The following INPP4B variants were observed in gnomAD, a reference collection of about 807,000 sequenced individuals.
INPP4B encodes the protein inositol polyphosphate 4-phosphatase type II.
INPP4B carries 55 observed loss-of-function variants against 122.5 expected under a neutral mutation model. That is an observed-to-expected ratio of 0.45 (90% CI 0.36 to 0.56). The LOEUF (loss-of-function observed/expected upper bound fraction) is 0.56. Among genes scored for constraint, INPP4B ranks in the 20% least tolerant of loss-of-function variants. The pLI is 0.00. For synonymous variants in INPP4B, 403 were observed against 388.7 expected, an observed-to-expected ratio of 1.04 and a Z score of -0.43; for missense variants, 1,000 against 1,097.7, an observed-to-expected ratio of 0.91 and a Z score of 1.26.
At chr4:142,404,093 TTAAGA>T (rs1335532024) in intron 6 of INPP4B, among the ~76,000 whole-genome samples, 1 of 152,194 alleles carries the variant, frequency 6.6e-6, no homozygotes, top group African/African-American at 2.4e-5. Flanking sequence ...ACAATTTTGG[TTAAGA>T]TGTTTTCATA....
chr4:142,123,812 A>G (rs547740971), intron 19 of INPP4B, among the ~76,000 whole-genome samples: 1 of 152,198 alleles, frequency 6.6e-6, no homozygotes, highest in Non-Finnish European at 1.5e-5. Context: ...ACATGTATGT[A>G]TAAGGCAGAG....
chr4:142,571,121 G>T (rs1200303663), intron 2 of INPP4B, among the ~76,000 whole-genome samples: 2 of 150,168 alleles, frequency 1.3e-5, no homozygotes, highest in Admixed American at 6.6e-5. Context: ...AGCATGGAGT[G>T]GGGCAGAAGG....
intron 2 of INPP4B, among the ~76,000 whole-genome samples, chr4:142,628,627 T>G (rs988825052): frequency 1.3e-5 from 2 of 150,958 alleles, no homozygotes; most frequent in South Asian, 4.2e-4. Context: ...TTCCCTGCCA[T>G]GATTATTCCC....
At chr4:142,030,140 G>C in intron 25 of INPP4B, 1 of 1,534,416 alleles carries the variant, frequency 6.5e-7, no homozygotes, top group Non-Finnish European at 8.7e-7. Flanking sequence ...ATTGGTATTT[G>C]GCTAAGAGTA....
chr4:142,222,071 T>G (rs915653730), intron 12 of INPP4B, among the ~76,000 whole-genome samples: 5 of 152,366 alleles, frequency 3.3e-5, no homozygotes, highest in South Asian at 2.1e-4. Flanking sequence ...GCCATTCTCC[T>G]GGCTCAGCCT....
At chr4:142,234,942 G>C (rs1856055789) in intron 12 of INPP4B, among the ~76,000 whole-genome samples, 1 of 152,146 alleles carries the variant, frequency 6.6e-6, no homozygotes, top group South Asian at 2.1e-4. Flanking sequence ...AGGGTAGGTG[G>C]ATAATACTTT....
chr4:142,642,880 T>C (rs537704834), intron 2 of INPP4B, among the ~76,000 whole-genome samples: 23 of 152,160 alleles, frequency 1.5e-4, no homozygotes, highest in Non-Finnish European at 2.9e-4. Flanking sequence ...TTTCACAATA[T>C]TGATTCTTTC....
chr4:142,187,690 C>G (rs983352101), intron 15 of INPP4B, among the ~76,000 whole-genome samples: 1 of 152,000 alleles, frequency 6.6e-6, no homozygotes, highest in Non-Finnish European at 1.5e-5. Context: ...ACCTTGCAGG[C>G]TCAAGTGATC....
At chr4:142,382,635 TAC>T (rs1794601496) in intron 7 of INPP4B, among the ~76,000 whole-genome samples, 3 of 117,032 alleles carry the variant, frequency 2.6e-5, no homozygotes, top group South Asian at 2.3e-4. Context: ...TATAAATATA[TAC>T]ATTTATATAT....
intron 7 of INPP4B, among the ~76,000 whole-genome samples, chr4:142,371,179 C>A (rs1477136283): frequency 2.0e-5 from 3 of 152,060 alleles, no homozygotes; most frequent in Non-Finnish European, 4.4e-5. Context: ...GGGGAAAGGA[C>A]ACCCTTTTCA....
chr4:142,653,735 G>T (rs534107669), intron 2 of INPP4B, among the ~76,000 whole-genome samples: 1 of 152,300 alleles, frequency 6.6e-6, no homozygotes, highest in East Asian at 1.9e-4. Flanking sequence ...TGCTGGAAAG[G>T]ATGTGGAGAA....
At chr4:142,704,961 A>C (rs531667225) in intron 2 of INPP4B, among the ~76,000 whole-genome samples, 1 of 152,116 alleles carries the variant, frequency 6.6e-6, no homozygotes, top group Admixed American at 6.5e-5. Flanking sequence ...CTAACCACTG[A>C]ATTTAATGCA....
chr4:142,171,456 G>A (rs1324508327), intron 16 of INPP4B, among the ~76,000 whole-genome samples: 1 of 151,632 alleles, frequency 6.6e-6, no homozygotes, highest in Non-Finnish European at 1.5e-5. Context: ...TATACAACAA[G>A]CCCAAAACTT....
At chr4:142,442,376 C>T (rs867515837) in intron 3 of INPP4B, among the ~76,000 whole-genome samples, 3 of 130,068 alleles carry the variant, frequency 2.3e-5, no homozygotes, top group African/African-American at 8.7e-5. Flanking sequence ...CATGCCACTG[C>T]ACTCCAGCCT....
intron 2 of INPP4B, among the ~76,000 whole-genome samples, chr4:142,650,015 C>G (rs996292767): frequency 2.0e-5 from 3 of 152,228 alleles, no homozygotes; most frequent in African/African-American, 7.2e-5. Flanking sequence ...AACTGTGGAT[C>G]TCTCAGGAGA....
intron 2 of INPP4B, among the ~76,000 whole-genome samples, chr4:142,624,678 A>G (rs1400337366): frequency 6.6e-6 from 1 of 152,164 alleles, no homozygotes. Context: ...CACAACCCCA[A>G]AAAAGAGAAT....
intron 1 of INPP4B, among the ~76,000 whole-genome samples, chr4:142,797,486 G>T (rs1450454064): frequency 6.6e-6 from 1 of 151,860 alleles, no homozygotes; most frequent in Non-Finnish European, 1.5e-5. Flanking sequence ...AGCTAAGAGA[G>T]AAAAGACATA....
intron 2 of INPP4B, among the ~76,000 whole-genome samples, chr4:142,707,573 A>G (rs1580746370): frequency 6.6e-6 from 1 of 151,514 alleles, no homozygotes; most frequent in South Asian, 2.1e-4. Flanking sequence ...CTCCCCCTTC[A>G]CCCTCTTCCT....
chr4:142,143,922 TAAAA>T (rs1182401516), intron 18 of INPP4B, among the ~76,000 whole-genome samples: 1 of 151,912 alleles, frequency 6.6e-6, no homozygotes, highest in Admixed American at 6.6e-5. Context: ...TGACTTCTCT[TAAAA>T]AAATTCTAAC....
Sources: gnomAD v4.1 joint callset for allele counts (sites outside exome capture counted in the v4.1 genomes callset) on GRCh38, gnomAD v4.1.1 for gene constraint, MANE v1.5 for transcripts, NCBI Gene and HGNC (gene_info 2026-07-23, HGNC 2026-07-21) for gene names.